MGLL: variants seen among roughly 807,000 people sequenced by gnomAD.
MGLL encodes monoglyceride lipase.
Under a neutral mutation model 29.1 loss-of-function variants are expected in MGLL, and 7 were observed. The ratio of observed to expected loss-of-function variants is 0.24; its 90% CI spans 0.14 to 0.45. The LOEUF (loss-of-function observed/expected upper bound fraction) is 0.45. MGLL is among the 20% of genes least tolerant of loss of function. The probability of loss-of-function intolerance (pLI) is 0.99; values close to 1 mark genes in which losing one functional copy is unlikely to be tolerated. For missense variants in MGLL, 356 were observed against 413.6 expected (o/e 0.86, Z 1.21); for synonymous variants, 148 against 168.3 (o/e 0.88, Z 0.93).
intron 2 of MGLL, among the ~76,000 whole-genome samples, chr3:127,800,287 CCT>C (rs1168961777): frequency 2.0e-5 from 3 of 152,182 alleles, no homozygotes; most frequent in Non-Finnish European, 2.9e-5. Context: ...GCAAAATAAA[CCT>C]CTCTCTTATT....
intron 2 of MGLL, among the ~76,000 whole-genome samples, chr3:127,812,199 C>G (rs1214140558): frequency 6.6e-6 from 1 of 152,202 alleles, no homozygotes; most frequent in Non-Finnish European, 1.5e-5. Context: ...TGACTTCCAG[C>G]TATAATAGCT....
At chr3:127,821,915 C>T (rs1286433933) in intron 1 of MGLL, 77 bp from the exon 2 acceptor site, 9 of 1,469,438 alleles carry the variant, frequency 6.1e-6, no homozygotes, top group Admixed American at 2.1e-5. Flanking sequence ...AAGTCTAGTT[C>T]AGAGTCAGTA....
chr3:127,740,720 G>A (rs937597236), intron 3 of MGLL, among the ~76,000 whole-genome samples: 9 of 152,320 alleles, frequency 5.9e-5, no homozygotes, highest in African/African-American at 9.6e-5. Context: ...ATGGTGTGAC[G>A]CTGGCCTGGA....
intron 2 of MGLL, among the ~76,000 whole-genome samples, chr3:127,791,804 C>T (rs182312247): frequency 1.4e-4 from 22 of 152,318 alleles, no homozygotes; most frequent in Admixed American, 7.2e-4. Context: ...GGAGTAGTGA[C>T]TTAAACCTGT....
intron 3 of MGLL, among the ~76,000 whole-genome samples, chr3:127,736,854 C>T (rs2076250921): frequency 6.6e-6 from 1 of 152,190 alleles, no homozygotes; most frequent in Non-Finnish European, 1.5e-5. Context: ...GTCACCACGC[C>T]TGGCTAATTT....
At chr3:127,735,965 AC>A (rs1166725986) in intron 3 of MGLL, 2 of 1,445,268 alleles carry the variant, frequency 1.4e-6, no homozygotes, top group Admixed American at 2.6e-5. Context: ...CAAGCGTTAA[AC>A]CATCTTTCGG....
At chr3:127,756,864 C>T (rs1402151445) in intron 3 of MGLL, among the ~76,000 whole-genome samples, 2 of 152,222 alleles carry the variant, frequency 1.3e-5, no homozygotes, top group Non-Finnish European at 2.9e-5. Context: ...GGCTGCTACC[C>T]TTGATGACGC....
chr3:127,775,890 C>T (rs368650268), intron 3 of MGLL, among the ~76,000 whole-genome samples: 3 of 152,226 alleles, frequency 2.0e-5, no homozygotes, highest in East Asian at 1.9e-4. Flanking sequence ...GCCCTCCTCC[C>T]GGAGTCCTCC....
chr3:127,748,759 C>G (rs1175405812), intron 3 of MGLL, among the ~76,000 whole-genome samples: 1 of 152,156 alleles, frequency 6.6e-6, no homozygotes, highest in African/African-American at 2.4e-5. Context: ...TGAAGCTCCC[C>G]AGTCTGTAGA....
chr3:127,733,201 C>T (rs76462666), intron 3 of MGLL, among the ~76,000 whole-genome samples: 4,084 of 152,268 alleles, frequency 0.027, 210 homozygotes, highest in African/African-American at 0.094. Flanking sequence ...GTCCTCACTG[C>T]TACAGTCTCA....
chr3:127,719,975 CTGTT>C (rs1166467047), intron 5 of MGLL, among the ~76,000 whole-genome samples: 1 of 152,160 alleles, frequency 6.6e-6, no homozygotes, highest in African/African-American at 2.4e-5. Context: ...CTGAAATTTT[CTGTT>C]TTTAATTGAA....
chr3:127,718,710 C>T lies in MGLL; in HGVS notation c.510+2343G>A, dbSNP rs78213009. Among the ~76,000 whole-genome samples, 1,254 of 152,300 alleles carry T rather than the reference C, an allele frequency of 8.2e-3. 6 individuals are homozygous for T. The highest frequency in any genetic ancestry group is 0.013 in the Non-Finnish European group (859 of 68,036). On this transcript the variant is annotated intron_variant, in intron 5 of 7. Transcript: ENST00000265052. Reference sequence around the variant, plus strand: ...GAAGAACAAATGGAGTGAGCGTTGACGGGAGTTGCAGAGACTCTCGCTGGT... The same window carrying T: ...GAAGAACAAATGGAGTGAGCGTTGATGGGAGTTGCAGAGACTCTCGCTGGT...
Position 127,822,345 on chromosome 3 carries a change from C to G in MGLL, c.-27G>C. On this transcript the variant is annotated 5_prime_UTR_variant, in exon 1 of 8. Transcript: ENST00000265052. Reference sequence around the variant, plus strand: ...ATGTGCTGGCGTTTGCATTCCACAACCACGACAGCCTGGAGAATCAGAACC... The same window carrying G: ...ATGTGCTGGCGTTTGCATTCCACAAGCACGACAGCCTGGAGAATCAGAACC... 1 of 1,613,550 alleles carries G rather than the reference C, an allele frequency of 6.2e-7. No homozygotes were observed. Among genetic ancestry groups the G allele is most frequent in the Non-Finnish European group, 8.5e-7 (1 of 1,179,472 alleles).
At chr3:127,811,178 T>TGTAAATATGAGGA (rs2077655768) in intron 2 of MGLL, among the ~76,000 whole-genome samples, 10 of 139,976 alleles carry the variant, frequency 7.1e-5, no homozygotes, top group Admixed American at 2.0e-4. Flanking sequence ...TCAGGAATCA[T>TGTAAATATGAGGA]CCTCTCTCAG....
chr3:127,726,851 T>C (rs11707342), intron 3 of MGLL, among the ~76,000 whole-genome samples: 49,260 of 152,200 alleles, frequency 0.32, 9,636 homozygotes, highest in Non-Finnish European at 0.44. Flanking sequence ...CACTTCAGCA[T>C]GCTTAGTGAC....
intron 3 of MGLL, among the ~76,000 whole-genome samples, chr3:127,747,755 A>G (rs1460618732): frequency 1.3e-5 from 2 of 152,130 alleles, no homozygotes; most frequent in African/African-American, 4.8e-5. Flanking sequence ...GGTAACACCT[A>G]TTTGAGCTCC....
At chr3:127,729,900 G>A (rs921309684) in intron 3 of MGLL, among the ~76,000 whole-genome samples, 2 of 152,198 alleles carry the variant, frequency 1.3e-5, no homozygotes, top group African/African-American at 4.8e-5. Context: ...GGCATCTCCT[G>A]GATAAACTGT....
intron 2 of MGLL, among the ~76,000 whole-genome samples, chr3:127,798,047 G>A (rs1238147205): frequency 3.3e-5 from 5 of 152,128 alleles, no homozygotes; most frequent in African/African-American, 1.2e-4. Context: ...ACAGATATAT[G>A]TATTAAAAAG....
At chr3:127,735,635 T>C in intron 3 of MGLL, 3 of 1,451,948 alleles carry the variant, frequency 2.1e-6, no homozygotes, top group South Asian at 1.3e-5. Context: ...TCCAAGATTG[T>C]AGTTACCTCC....
Sources: gnomAD v4.1 joint callset for allele counts (sites outside exome capture counted in the v4.1 genomes callset) on GRCh38, gnomAD v4.1.1 for gene constraint, MANE v1.5 for transcripts, NCBI Gene and HGNC (gene_info 2026-07-23, HGNC 2026-07-21) for gene names.